The following PLXNB1 variants were observed in gnomAD, a reference collection of about 807,000 sequenced individuals.
The protein encoded by PLXNB1 is plexin B1, also known as plexin-B1.
A neutral mutation model predicts 209.4 loss-of-function variants in PLXNB1; 106 were observed. That is an observed-to-expected ratio of 0.51 (90% CI 0.43 to 0.59). The LOEUF is 0.59. Among genes scored for constraint, PLXNB1 ranks in the 20% least tolerant of loss-of-function variants. The pLI is 0.00. For missense variants in PLXNB1, 2,357 were observed against 2,853.2 expected (o/e 0.83, Z 3.96); for synonymous variants, 1,167 against 1,183.2 (o/e 0.99, Z 0.28).
chr3:48,425,682 C>T (rs114360682), intron 1 of PLXNB1, among the ~76,000 whole-genome samples: 2,573 of 152,262 alleles, frequency 0.017, 65 homozygotes, highest in African/African-American at 0.054. Context: ...TAAAGGCACC[C>T]AGGTACACAC....
rs181944142 is a variant in PLXNB1, at chr3:48,416,799, C to T, written c.3375-348G>A. ...GGCACAGCTAGCCGCCCATGTCCTCCGCCACGTCACATGCACAGTACCCAC... is the reference window on the plus strand; with the variant it reads ...GGCACAGCTAGCCGCCCATGTCCTCTGCCACGTCACATGCACAGTACCCAC... On this transcript the variant is annotated intron_variant, in intron 16 of 37. Coordinates refer to ENST00000296440, the MANE Select transcript of PLXNB1 (RefSeq NM_001130082.3). The surrounding 1 kb of genome is among the most constrained non-coding windows in gnomAD (Gnocchi z 4.1). The T allele has an allele frequency of 1.9e-3, 393 of 203,956 alleles. No individual in the cohort carries two copies. Among genetic ancestry groups the T allele is most frequent in the Non-Finnish European group, 2.9e-3 (294 of 102,616 alleles). 12.6% of individuals were successfully genotyped at this position (203,956 alleles called of 1,614,324 possible). A position where few individuals can be genotyped will look rare whatever the true frequency, so the allele number is the denominator to read the frequency against.
rs1575384212 is a variant in PLXNB1 at position 48,411,823 on chromosome 3, C to A, written c.5247+40G>T. 1 of 1,606,182 alleles carries A rather than the reference C, an allele frequency of 6.2e-7. No homozygotes were observed. The highest frequency in any genetic ancestry group is 1.3e-5 in the African/African-American group (1 of 74,990). On this transcript the variant is annotated intron_variant, in intron 28 of 37. Transcript: ENST00000296440. This position sits in a 1 kb window ranked among gnomAD's most constrained non-coding sequence, Gnocchi z 4.0. Reference sequence around the variant, plus strand: ...CACACACTCTCCACCCTCGCCCTCACCGCACTCAGACTGCAGGCCACACAC... The same window carrying A: ...CACACACTCTCCACCCTCGCCCTCAACGCACTCAGACTGCAGGCCACACAC...
In PLXNB1 at chr3:48,405,653, G is replaced by C; in HGVS notation, c.6303+71C>G. The C allele has an allele frequency of 8.1e-7, 1 of 1,227,376 alleles. No individual in the cohort carries two copies. Among genetic ancestry groups the C allele is most frequent in the Non-Finnish European group, 1.2e-6 (1 of 844,698 alleles). 76.0% of individuals were successfully genotyped at this position (1,227,376 alleles called of 1,614,324 possible). ...ACCAAAGCCCCCAACGTGAGTCACA[G>C]GGTCAGAGCCCCTTAAGTCTCCTGG... On this transcript the variant is annotated intron_variant, in intron 37 of 37. Coordinates refer to ENST00000296440, the MANE Select transcript of PLXNB1 (RefSeq NM_001130082.3). The surrounding 1 kb of genome is among the most constrained non-coding windows in gnomAD (Gnocchi z 5.0).
Position 48,409,212 on chromosome 3 carries a change from G to T in PLXNB1, c.6087+117C>A. ...CCCGGGATGAAGCCTTGGCTTGGGA[G>T]GTCAGAGGTCTCCCCTAAGCCCTCC... On this transcript the variant is annotated intron_variant, in intron 34 of 37. Transcript: ENST00000296440. This position sits in a 1 kb window ranked among gnomAD's most constrained non-coding sequence, Gnocchi z 5.8. The T allele has an allele frequency of 8.3e-7, 1 of 1,210,092 alleles. No homozygotes were observed. The highest frequency in any genetic ancestry group is 1.2e-6 in the Non-Finnish European group (1 of 866,540). 75.0% of individuals were successfully genotyped at this position (1,210,092 alleles called of 1,614,324 possible).
Position 48,411,574 on chromosome 3 carries a change from A to G in PLXNB1, c.5247+289T>C, listed in dbSNP as rs948600941. ...ACAGGGTCAGGCCCTGACACAGCTC[A>G]AGCCCATGGTCTAAGGTAGGGCTGG... On this transcript the variant is annotated intron_variant, in intron 28 of 37. Transcript: ENST00000296440. This position sits in a 1 kb window ranked among gnomAD's most constrained non-coding sequence, Gnocchi z 4.0. 5.3e-5 allele frequency among the ~76,000 whole-genome samples: 8 copies of G among 152,172 alleles called. No homozygotes were observed. The highest frequency in any genetic ancestry group is 1.9e-4 in the African/African-American group (8 of 41,418).
rs1428963261 is a variant in PLXNB1 at position 48,410,779 on chromosome 3, T to C, written c.5416+89A>G. On this transcript the variant is annotated intron_variant, in intron 29 of 37. Coordinates refer to ENST00000296440, the MANE Select transcript of PLXNB1 (RefSeq NM_001130082.3). This position sits in a 1 kb window ranked among gnomAD's most constrained non-coding sequence, Gnocchi z 6.4. ...CTGCCTCCCAGCATCCTCCCCACCCTGAGTGATGAGTTGTCCCTGCAGAGT... is the reference window on the plus strand; with the variant it reads ...CTGCCTCCCAGCATCCTCCCCACCCCGAGTGATGAGTTGTCCCTGCAGAGT... The C allele has an allele frequency of 7.6e-7, 1 of 1,316,842 alleles. No homozygotes were observed. Among genetic ancestry groups the C allele is most frequent in the Non-Finnish European group, 1.0e-6 (1 of 952,924 alleles). 81.6% of individuals were successfully genotyped at this position (1,316,842 alleles called of 1,614,324 possible).
Position 48,416,271 on chromosome 3 carries a change from T to C in PLXNB1, c.3480+75A>G. 1.9e-6 allele frequency: 3 copies of C among 1,556,722 alleles called. No individual in the cohort carries two copies. The highest frequency in any genetic ancestry group is 2.3e-5 in the South Asian group (2 of 87,596). On this transcript the variant is annotated intron_variant, in intron 17 of 37. Transcript: ENST00000296440. The surrounding 1 kb of genome is among the most constrained non-coding windows in gnomAD (Gnocchi z 4.1). ...CAGGACTGGGAGCCCCACCAAGGAA[T>C]AACCAGATGGGTTGAGAGGAGCCAC... is the stretch of plus-strand genomic sequence containing the variant.
intron 1 of PLXNB1, among the ~76,000 whole-genome samples, chr3:48,425,913 C>T (rs2038867902): frequency 6.6e-6 from 1 of 152,026 alleles, no homozygotes. Flanking sequence ...TGTTCAAACA[C>T]CACATGAAGA....
rs752239572 is a variant in PLXNB1 at position 48,410,447 on chromosome 3, C to A, written c.5520+8G>T. ...ACCATGCCCTCCTCCAGCTCCCACT[C>A]CTCCTACCTTGTAATGCTGCAGTGT... On this transcript the variant is annotated splice_region_variant and intron_variant, in intron 30 of 37. Transcript: ENST00000296440. The surrounding 1 kb of genome is among the most constrained non-coding windows in gnomAD (Gnocchi z 6.4). 8.1e-6 allele frequency: 13 copies of A among 1,613,262 alleles called. No individual in the cohort carries two copies. In the African/African-American group the frequency reaches 1.7e-4, roughly 22 times the overall value.
At chr3:48,414,398 T>C (rs1195840295) in intron 21 of PLXNB1, among the ~76,000 whole-genome samples, 2 of 152,188 alleles carry the variant, frequency 1.3e-5, no homozygotes, top group Non-Finnish European at 2.9e-5. Flanking sequence ...TATCAACCTG[T>C]GGTCTGCCCG....
At position 48,406,577 on chromosome 3, in the gene PLXNB1, G is replaced by T. The variant is rs2037325852; in HGVS notation, c.6228+246C>A. ...GCTGAATCCCAGCTACCTTGCAAGA[G>T]CCTGGCTGAATCAGGGTACATGGCA... On this transcript the variant is annotated intron_variant, in intron 36 of 37. Transcript: ENST00000296440. The surrounding 1 kb of genome is among the most constrained non-coding windows in gnomAD (Gnocchi z 4.4). 7.5e-7 allele frequency: 1 copy of T among 1,337,440 alleles called. No individual in the cohort carries two copies. Among genetic ancestry groups the T allele is most frequent in the Admixed American group, 3.6e-5 (1 of 28,078 alleles). 82.8% of individuals were successfully genotyped at this position (1,337,440 alleles called of 1,614,324 possible).
At position 48,423,946 on chromosome 3, in the gene PLXNB1, A is replaced by G. The variant is rs2038722243; in HGVS notation, c.666T>C (p.Phe222=). 19 of 1,614,074 alleles carry G rather than the reference A, an allele frequency of 1.2e-5. No homozygotes were observed. The highest frequency in any genetic ancestry group is 1.5e-5 in the Non-Finnish European group (18 of 1,180,002). The part of the protein sequence containing the change: ...SEYSHHFVSA[F]ARGASAYFLF... ...GGAAGTAGGCGCTGGCCCCACGTGC[A>G]AAGGCACTCACGAAGTGGTGGCTGT... Residue 222 remains phenylalanine, a synonymous_variant, in exon 3 of 38, where the codon TTT becomes TTC. Coordinates refer to ENST00000296440, the MANE Select transcript of PLXNB1 (RefSeq NM_001130082.3).
In PLXNB1 at chr3:48,420,942, T is replaced by G; in HGVS notation, c.1825A>C (p.Ser609Arg). 1 of 1,613,526 alleles carries G rather than the reference T, an allele frequency of 6.2e-7. No homozygotes were observed. The highest frequency in any genetic ancestry group is 8.5e-7 in the Non-Finnish European group (1 of 1,179,586). ...LPRGADYVSV[S>R]VELRFGAVVI... Reference sequence around the variant, plus strand: ...ACAGCGCCAAATCTGAGCTCCACGCTCACGGATACGTAGTCTGCAGAGGGG... The same window carrying G: ...ACAGCGCCAAATCTGAGCTCCACGCGCACGGATACGTAGTCTGCAGAGGGG... The change falls in exon 9 of 38, where the codon AGC becomes CGC. Residue 609 changes from serine (S) to arginine (R), a missense_variant. Ser to Arg is a moderately radical substitution (Grantham distance 110). This residue lies in a region of PLXNB1 where 214 missense variants were observed against 297.1 expected (regional missense o/e 0.72). Coordinates refer to ENST00000296440, the MANE Select transcript of PLXNB1 (RefSeq NM_001130082.3).
chr3:48,414,715 C>T, intron 21 of PLXNB1, 84 bp downstream of exon 21: 4 of 1,522,550 alleles, frequency 2.6e-6, no homozygotes, highest in Non-Finnish European at 3.6e-6. Flanking sequence ...GCTCTACTGT[C>T]TCGGCCTCTC....
In PLXNB1 at chr3:48,414,970, A is replaced by G; in HGVS notation, c.4038T>C (p.Pro1346=). The part of the protein sequence containing the change: ...TCRTPALPGL[P]EDPWVRVEFI... ...ATTCCACCCGGACCCAGGGGTCCTC[A>G]GGCAGGCCTGGGAGGGCAGGTGTGC... is the stretch of plus-strand genomic sequence containing the variant. Residue 1346 remains proline, a synonymous_variant, in exon 21 of 38, where the codon CCT becomes CCC. Coordinates refer to ENST00000296440, the MANE Select transcript of PLXNB1 (RefSeq NM_001130082.3). 2 of 1,613,848 alleles carry G rather than the reference A, an allele frequency of 1.2e-6. No homozygotes were observed. The highest frequency in any genetic ancestry group is 4.5e-5 in the East Asian group (2 of 44,882).
chr3:48,422,560 C>T, intron 4 of PLXNB1, 101 bp from the exon 5 acceptor site: 2 of 1,411,024 alleles, frequency 1.4e-6, no homozygotes, highest in Admixed American at 2.6e-5. Flanking sequence ...AATAGAATTT[C>T]CTCCTAGGCA....
chr3:48,413,270 C>A lies in PLXNB1; in HGVS notation c.4536-101G>T. On this transcript the variant is annotated intron_variant, in intron 23 of 37. Transcript: ENST00000296440. The surrounding 1 kb of genome is among the most constrained non-coding windows in gnomAD (Gnocchi z 5.4). ...ACACCCCGGCCTCATCCAGCACAGT[C>A]CAATGCAGCCATGCCAGCCAAGCTC... 1 of 912,268 alleles carries A rather than the reference C, an allele frequency of 1.1e-6. No homozygotes were observed. The highest frequency in any genetic ancestry group is 1.4e-5 in the South Asian group (1 of 71,932). The allele number at this position is 912,268 out of a possible 1,614,324, so 56.5% of individuals were successfully genotyped here.
chr3:48,409,791 C>A lies in PLXNB1; in HGVS notation c.5779-60G>T. ...CAAAGGGCCCTCAGCAGCAGCCCAG[C>A]CTCAGACACCCCCCGGCACTGTGCC... On this transcript the variant is annotated intron_variant, in intron 32 of 37. Coordinates refer to ENST00000296440, the MANE Select transcript of PLXNB1 (RefSeq NM_001130082.3). This position sits in a 1 kb window ranked among gnomAD's most constrained non-coding sequence, Gnocchi z 5.8. 3.1e-6 allele frequency: 5 copies of A among 1,588,662 alleles called. No individual in the cohort carries two copies. The highest frequency in any genetic ancestry group is 1.7e-5 in the Admixed American group (1 of 59,002).
intron 1 of PLXNB1, among the ~76,000 whole-genome samples, chr3:48,426,905 C>A (rs1358953790): frequency 6.6e-6 from 1 of 152,144 alleles, no homozygotes; most frequent in Non-Finnish European, 1.5e-5. Flanking sequence ...AGTTTCTTCC[C>A]ATGGGAAGAC....
Sources: gnomAD v4.1 joint callset for allele counts (sites outside exome capture counted in the v4.1 genomes callset) on GRCh38, gnomAD v4.1.1 for gene constraint, gnomAD v4.1.1 regional missense constraint, Gnocchi (gnomAD v3.1) non-coding constraint, MANE v1.5 for transcripts, NCBI Gene and HGNC (gene_info 2026-07-23, HGNC 2026-07-21) for gene names.